MARCHF7: variants seen among roughly 807,000 people sequenced by gnomAD.
MARCHF7 encodes the protein E3 ubiquitin-protein ligase MARCHF7.
Under a neutral mutation model 76.5 loss-of-function variants are expected in MARCHF7, and 20 were observed. The ratio of observed to expected loss-of-function variants is 0.26; its 90% CI spans 0.18 to 0.38. The LOEUF (loss-of-function observed/expected upper bound fraction) is 0.38, where lower values mean the gene tolerates loss of function less well. MARCHF7 is among the 10% of genes least tolerant of loss of function. MARCHF7 has a pLI of 1.00. For missense variants in MARCHF7, 797 were observed against 812.9 expected, an observed-to-expected ratio of 0.98 and a Z score of 0.24; for synonymous variants, 295 against 293.0, an observed-to-expected ratio of 1.01 and a Z score of -0.07.
At chr2:159,726,900 A>AT (rs560981704) in intron 3 of MARCHF7, among the ~76,000 whole-genome samples, 4 of 152,180 alleles carry the variant, frequency 2.6e-5, no homozygotes, top group Non-Finnish European at 4.4e-5. Flanking sequence ...TTACCATTGA[A>AT]TTACATTTGT....
intron 7 of MARCHF7, among the ~76,000 whole-genome samples, chr2:159,749,262 G>A (rs1328787926): frequency 1.3e-5 from 2 of 152,082 alleles, no homozygotes; most frequent in Non-Finnish European, 2.9e-5. Flanking sequence ...ACAGGCATGA[G>A]CCACTGTGCC....
intron 8 of MARCHF7, among the ~76,000 whole-genome samples, chr2:159,754,709 A>G (rs1036972906): frequency 6.6e-6 from 1 of 152,218 alleles, no homozygotes; most frequent in African/African-American, 2.4e-5. Context: ...TGGTTGTCCT[A>G]TAATACGAGA....
intron 4 of MARCHF7, among the ~76,000 whole-genome samples, chr2:159,730,572 A>G (rs557248141): frequency 1.2e-4 from 18 of 152,280 alleles, no homozygotes; most frequent in South Asian, 8.3e-4. Context: ...GCTCAGCGGA[A>G]CCTAGTCTCA....
At chr2:159,716,847 T>C (rs1165517078) in intron 3 of MARCHF7, among the ~76,000 whole-genome samples, 5 of 152,122 alleles carry the variant, frequency 3.3e-5, no homozygotes, top group Admixed American at 2.6e-4. Context: ...ATGGTAACAG[T>C]AGAAAATAAG....
intron 10 of MARCHF7, 72 bp downstream of exon 10, chr2:159,763,065 T>G: frequency 2.4e-6 from 2 of 842,166 alleles, no homozygotes; most frequent in Non-Finnish European, 3.7e-6. Flanking sequence ...GCAGATTGTT[T>G]CATATGTTGA....
chr2:159,766,873 G>C (rs1035184866), intron 11 of MARCHF7, among the ~76,000 whole-genome samples: 1 of 152,050 alleles, frequency 6.6e-6, no homozygotes, highest in Non-Finnish European at 1.5e-5. Flanking sequence ...CATTCTCATC[G>C]GATGCACCAA....
rs1220082571 is a variant in MARCHF7 at position 159,744,018 on chromosome 2, C to T, written c.346+765C>T. ...TTTTTTTTTTTTGGAGACGGAGTCT[C>T]GCTCTGTCGCCCAGGCTGGAGTGCA... On this transcript the variant is annotated intron_variant, in intron 5 of 11. Transcript: ENST00000409175. Among the ~76,000 whole-genome samples the T allele has an allele frequency of 1.2e-4, 12 of 98,122 alleles. No homozygotes were observed. The East Asian group carries it at 1.9e-3, about 16-fold the overall frequency. The allele number at this position is 98,122 out of a possible 152,430, so 64.4% of individuals were successfully genotyped here.
At position 159,759,333 on chromosome 2, in the gene MARCHF7, C is replaced by T; in HGVS notation, c.1891C>T (p.Gln631Ter). The change falls in exon 9 of 12, where the codon CAA becomes TAA. Residue 631 changes from glutamine (Q) to a stop codon, truncating the protein, a stop_gained and splice_region_variant. Coordinates refer to ENST00000409175, the MANE Select transcript of MARCHF7 (RefSeq NM_001282805.2). LOFTEE classifies it high-confidence loss of function. ...HELHRAHANE[Q>*]AEYEFISSGL... is the part of the protein sequence containing the mutation. The stretch of plus-strand genomic sequence containing the variant: ...ACTACATAGAGCTCATGCAAATGAA[C>T]AAGTTAGTATATTTTGCCTAATTTG... 6.4e-7 allele frequency: 1 copy of T among 1,571,118 alleles called. No homozygotes were observed. Among genetic ancestry groups the T allele is most frequent in the Non-Finnish European group, 8.7e-7 (1 of 1,145,174 alleles).
chr2:159,729,620 C>G (rs374164972), intron 4 of MARCHF7, among the ~76,000 whole-genome samples: 1 of 151,582 alleles, frequency 6.6e-6, no homozygotes. Context: ...TTGCAGTGAG[C>G]TGAGATCATG....
intron 4 of MARCHF7, chr2:159,733,674 A>G: frequency 1.0e-6 from 1 of 985,426 alleles, no homozygotes; most frequent in Non-Finnish European, 1.2e-6. Flanking sequence ...GGGGTAGGAC[A>G]TGATCAATTT....
intron 4 of MARCHF7, chr2:159,733,577 C>G (rs1030413903): frequency 1.0e-6 from 1 of 981,774 alleles, no homozygotes; most frequent in African/African-American, 1.8e-5. Flanking sequence ...ATTGTTGAGG[C>G]TTTTTAACTC....
At chr2:159,713,904 A>C (rs1700656257) in intron 1 of MARCHF7, among the ~76,000 whole-genome samples, 1 of 152,168 alleles carries the variant, frequency 6.6e-6, no homozygotes, top group Non-Finnish European at 1.5e-5. Context: ...ACTAGGGGAC[A>C]TAATACTAGT....
At chr2:159,715,358 T>TGGG (rs375225318) in intron 2 of MARCHF7, among the ~76,000 whole-genome samples, 5,516 of 150,176 alleles carry the variant, frequency 0.037, 312 homozygotes, top group African/African-American at 0.12. Context: ...AGAGTTTAGG[T>TGGG]GGGGGGGGTA....
chr2:159,720,741 T>C (rs1701543920), intron 3 of MARCHF7, among the ~76,000 whole-genome samples: 1 of 152,234 alleles, frequency 6.6e-6, no homozygotes, highest in Non-Finnish European at 1.5e-5. Context: ...GGTAGATTAC[T>C]AAATTGGGAC....
chr2:159,736,922 C>T (rs1306881828), intron 4 of MARCHF7, among the ~76,000 whole-genome samples: 1 of 152,184 alleles, frequency 6.6e-6, no homozygotes, highest in Non-Finnish European at 1.5e-5. Flanking sequence ...AGCCCTCCAC[C>T]TCTTCCCTCA....
chr2:159,735,206 A>G (rs1005146516), intron 4 of MARCHF7, among the ~76,000 whole-genome samples: 1 of 152,188 alleles, frequency 6.6e-6, no homozygotes, highest in African/African-American at 2.4e-5. Context: ...TTCACTTCAC[A>G]GTCAAGTCAT....
Position 159,748,082 on chromosome 2 carries a change from A to G in MARCHF7, c.792A>G (p.Gln264=). Residue 264 remains glutamine, a synonymous_variant, in exon 7 of 12, where the codon CAA becomes CAG. Transcript: ENST00000409175. ...ISNSERVVSS[Q]RPFQESSDNE... is the part of the protein sequence containing the mutation. ...ATTCAGAAAGGGTTGTTTCATCTCA[A>G]AGACCATTTCAAGAATCTTCTGACA... 2 of 1,614,204 alleles carry G rather than the reference A, an allele frequency of 1.2e-6. No homozygotes were observed. The highest frequency in any genetic ancestry group is 1.7e-6 in the Non-Finnish European group (2 of 1,180,036).
rs568273400 is a variant in MARCHF7, at chr2:159,728,863, AGTG to A, written c.-14-142_-14-140del. The A allele has an allele frequency of 6.0e-3, 2,694 of 445,606 alleles. 15 individuals carry two copies. The highest frequency in any genetic ancestry group is 8.6e-3 in the Non-Finnish European group (2,194 of 256,480). The allele number at this position is 445,606 out of a possible 1,614,324, so 27.6% of individuals were successfully genotyped here. On this transcript the variant is annotated intron_variant, in intron 3 of 11. Coordinates refer to ENST00000409175, the MANE Select transcript of MARCHF7 (RefSeq NM_001282805.2). ...ATGAACTTCTGCTTTGCGGAAGAGA[AGTG>A]GTGATCATTTCACAATTTACGTTGT...
At chr2:159,737,129 A>G (rs1393020725) in intron 4 of MARCHF7, among the ~76,000 whole-genome samples, 2 of 152,232 alleles carry the variant, frequency 1.3e-5, no homozygotes, top group Non-Finnish European at 2.9e-5. Context: ...ATCTAGTTTC[A>G]TACGAGTGCT....
Sources: allele counts gnomAD v4.1 joint callset (sites outside exome capture counted in the v4.1 genomes callset), GRCh38; gene constraint gnomAD v4.1.1; transcripts MANE v1.5; gene names NCBI Gene and HGNC (gene_info 2026-07-23, HGNC 2026-07-21).